Variants in TGFB2 observed in about 807,000 individuals in gnomAD.
TGFB2 encodes transforming growth factor beta-2 proprotein.
In TGFB2, 13 loss-of-function variants were observed where a neutral mutation model predicts 42.7. The ratio of observed to expected loss-of-function variants is 0.30; its 90% CI spans 0.20 to 0.48. The LOEUF (loss-of-function observed/expected upper bound fraction) is 0.48. Ranked by LOEUF, TGFB2 falls within the 20% of genes least tolerant of loss-of-function variation. The pLI is 0.99. For synonymous variants in TGFB2, 193 were observed against 193.6 expected (o/e 1.00, Z 0.03); for missense variants, 390 against 517.5 (o/e 0.75, Z 2.39).
rs1337414242 is a variant in TGFB2, at chr1:218,416,800, G to A, written c.510+11468G>A. Among the ~76,000 whole-genome samples the A allele has an allele frequency of 2.6e-5, 4 of 152,158 alleles. No individual in the cohort carries two copies. In the South Asian group the frequency reaches 6.2e-4, roughly 24 times the overall value. On this transcript the variant is annotated intron_variant, in intron 2 of 6. Coordinates refer to ENST00000366930, the MANE Select transcript of TGFB2 (RefSeq NM_003238.6). ...GGTGGGAGGTAATTGAATCATGGGAGCAAGTCTTTCCCATGCTGCTCTTGT... is the reference window on the plus strand; with the variant it reads ...GGTGGGAGGTAATTGAATCATGGGAACAAGTCTTTCCCATGCTGCTCTTGT...
chr1:218,373,192 C>G (rs1657626589), intron 1 of TGFB2, among the ~76,000 whole-genome samples: 1 of 152,000 alleles, frequency 6.6e-6, no homozygotes, highest in African/African-American at 2.4e-5. Context: ...AAAAAGTTTC[C>G]CAGGAGATTC....
chr1:218,354,494 G>A (rs1049359988), intron 1 of TGFB2, among the ~76,000 whole-genome samples: 17 of 152,138 alleles, frequency 1.1e-4, no homozygotes, highest in Admixed American at 7.2e-4. Flanking sequence ...TATAAACCAA[G>A]CATAGTTTTA....
Position 218,443,734 on chromosome 1 carries a change from T to C in TGFB2, c.*2372T>C, listed in dbSNP as rs1414350474. On this transcript the variant is annotated 3_prime_UTR_variant, in exon 7 of 7. Coordinates refer to ENST00000366930, the MANE Select transcript of TGFB2 (RefSeq NM_003238.6). The stretch of plus-strand genomic sequence containing the variant: ...GTTTTTTTTTTTTTTAATTTGGGGG[T>C]TCTGTAAGGTCTTTATTTCCCATAA... The C allele has an allele frequency of 1.3e-5, 2 of 150,920 alleles. No homozygotes were observed. Among genetic ancestry groups the C allele is most frequent in the East Asian group, 3.9e-4 (2 of 5,114 alleles). 9.3% of individuals were successfully genotyped at this position (150,920 alleles called of 1,614,324 possible). A position where few individuals can be genotyped will look rare whatever the true frequency, so the allele number is the denominator to read the frequency against.
At chr1:218,354,839 C>T (rs1439208539) in intron 1 of TGFB2, among the ~76,000 whole-genome samples, 2 of 152,170 alleles carry the variant, frequency 1.3e-5, no homozygotes, top group East Asian at 3.8e-4. Context: ...CCTCTTAACA[C>T]ATTCAACTTT....
intron 1 of TGFB2, among the ~76,000 whole-genome samples, chr1:218,384,835 T>C (rs963731093): frequency 6.6e-6 from 1 of 152,198 alleles, no homozygotes. Flanking sequence ...GGATGACTCA[T>C]GGCAGGAGGA....
chr1:218,422,066 A>G lies in TGFB2; in HGVS notation c.511-12016A>G, dbSNP rs550442419. 3.9e-5 allele frequency among the ~76,000 whole-genome samples: 6 copies of G among 152,258 alleles called. No homozygotes were observed. In the East Asian group the frequency reaches 9.7e-4, roughly 25 times the overall value. On this transcript the variant is annotated intron_variant, in intron 2 of 6. Transcript: ENST00000366930. ...ACCCAGTTTGTGGTACTTTGTTACT[A>G]CAGTTCTAGGTTACCCATACACCTA...
intron 1 of TGFB2, among the ~76,000 whole-genome samples, chr1:218,396,053 G>A (rs1658499084): frequency 6.6e-6 from 1 of 152,156 alleles, no homozygotes; most frequent in Admixed American, 6.5e-5. Context: ...TTTTGGAGTA[G>A]GAAAGGTAGG....
rs970682747 is a variant in TGFB2, at chr1:218,442,484, A to C, written c.*1122A>C. Reference sequence around the variant, plus strand: ...GTCAACTATGATTTAGATTGACTTAAATTTGGGCTCTTTTTAATGATCACT... The same window carrying C: ...GTCAACTATGATTTAGATTGACTTACATTTGGGCTCTTTTTAATGATCACT... On this transcript the variant is annotated 3_prime_UTR_variant, in exon 7 of 7. Transcript: ENST00000366930. The C allele has an allele frequency of 6.6e-6, 1 of 152,072 alleles. No individual in the cohort carries two copies. Among genetic ancestry groups the C allele is most frequent in the Non-Finnish European group, 1.5e-5 (1 of 67,962 alleles). 9.4% of individuals were successfully genotyped at this position (152,072 alleles called of 1,614,324 possible). A position where few individuals can be genotyped will look rare whatever the true frequency, so the allele number is the denominator to read the frequency against.
intron 1 of TGFB2, among the ~76,000 whole-genome samples, chr1:218,404,444 C>A (rs936339006): frequency 2.0e-5 from 3 of 152,140 alleles, no homozygotes; most frequent in African/African-American, 7.2e-5. Context: ...ATGTCATGTA[C>A]CATCAGCAAC....
rs181159281 is a variant in TGFB2, at chr1:218,387,982, G to A, written c.347-17187G>A. Among the ~76,000 whole-genome samples the A allele has an allele frequency of 4.3e-4, 66 of 152,182 alleles. 1 individual carries two copies. Among genetic ancestry groups the A allele is most frequent in the Non-Finnish European group, 8.4e-4 (57 of 67,994 alleles). On this transcript the variant is annotated intron_variant, in intron 1 of 6. Coordinates refer to ENST00000366930, the MANE Select transcript of TGFB2 (RefSeq NM_003238.6). Reference sequence around the variant, plus strand: ...GGCATTATTCTACATGGAAATGACTGTGATCTGGAAGGCCCATAGACAGCA... The same window carrying A: ...GGCATTATTCTACATGGAAATGACTATGATCTGGAAGGCCCATAGACAGCA...
chr1:218,366,202 G>T (rs559015164), intron 1 of TGFB2, among the ~76,000 whole-genome samples: 2 of 152,184 alleles, frequency 1.3e-5, no homozygotes, highest in Admixed American at 1.3e-4. Flanking sequence ...ATGAAGGAAT[G>T]GATTAATAGT....
intron 5 of TGFB2, among the ~76,000 whole-genome samples, chr1:218,436,745 C>G (rs565034895): frequency 1.2e-4 from 18 of 152,284 alleles, no homozygotes; most frequent in African/African-American, 3.8e-4. Context: ...AGGGAAGGGT[C>G]CTCACTGATG....
intron 4 of TGFB2, among the ~76,000 whole-genome samples, chr1:218,435,242 C>T (rs1304733899): frequency 6.6e-6 from 1 of 152,148 alleles, no homozygotes; most frequent in Admixed American, 6.5e-5. Flanking sequence ...GCAGCCCTTG[C>T]TCATGGAAAA....
At chr1:218,373,615 TG>T (rs2102556931) in intron 1 of TGFB2, among the ~76,000 whole-genome samples, 1 of 152,208 alleles carries the variant, frequency 6.6e-6, no homozygotes, top group Admixed American at 6.5e-5. Context: ...GAAACTGAGG[TG>T]TAGTAACATC....
At chr1:218,386,043 A>C (rs1022416546) in intron 1 of TGFB2, among the ~76,000 whole-genome samples, 24 of 152,206 alleles carry the variant, frequency 1.6e-4, no homozygotes, top group Admixed American at 9.2e-4. Flanking sequence ...AACCTTTTGT[A>C]GGTAACTCTG....
At chr1:218,407,227 C>T (rs1658943688) in intron 2 of TGFB2, among the ~76,000 whole-genome samples, 1 of 152,086 alleles carries the variant, frequency 6.6e-6, no homozygotes, top group Non-Finnish European at 1.5e-5. Context: ...ATCCCCACGC[C>T]TAACTCTAAT....
In TGFB2 at chr1:218,441,223, C is replaced by T. The variant is rs374045359; in HGVS notation, c.1106C>T (p.Thr369Ile). ...QHSRVLSLYN[T>I]INPEASASPC... ...TTTCAGGTCCTGAGCTTATATAATA[C>T]CATAAATCCAGAAGCATCTGCTTCT... Residue 369 changes from threonine (T) to isoleucine (I), a missense_variant, in exon 7 of 7, where the codon ACC becomes ATC. Thr to Ile is a moderately conservative substitution (Grantham distance 89). Coordinates refer to ENST00000366930, the MANE Select transcript of TGFB2 (RefSeq NM_003238.6). The T allele has an allele frequency of 6.2e-7, 1 of 1,613,188 alleles. No homozygotes were observed. The highest frequency in any genetic ancestry group is 8.5e-7 in the Non-Finnish European group (1 of 1,179,796).
intron 2 of TGFB2, among the ~76,000 whole-genome samples, chr1:218,406,825 G>C (rs964884553): frequency 6.6e-6 from 1 of 152,078 alleles, no homozygotes; most frequent in African/African-American, 2.4e-5. Flanking sequence ...TGTGTAGAGT[G>C]ACACTACAGA....
chr1:218,374,579 T>C (rs1386854815), intron 1 of TGFB2, among the ~76,000 whole-genome samples: 1 of 152,208 alleles, frequency 6.6e-6, no homozygotes, highest in Non-Finnish European at 1.5e-5. Flanking sequence ...AAAAATCTTA[T>C]CATCACAAGC....
Sources: allele counts gnomAD v4.1 joint callset (sites outside exome capture counted in the v4.1 genomes callset), GRCh38; gene constraint gnomAD v4.1.1; transcripts MANE v1.5; gene names NCBI Gene and HGNC (gene_info 2026-07-23, HGNC 2026-07-21).